ENTREP2: variants seen among roughly 807,000 people sequenced by gnomAD.
ENTREP2 encodes endosomal transmembrane epsin interactor 2.
chr15:29,335,590 A>T, the ENTREP2 span, among the ~76,000 whole-genome samples: 2 of 152,204 alleles, frequency 1.3e-5, no homozygotes, highest in Non-Finnish European at 2.9e-5. Flanking sequence ...TTCAAGAGGT[A>T]CCAGATATGC....
At chr15:29,220,905 A>G in the ENTREP2 span, among the ~76,000 whole-genome samples, 1 of 151,848 alleles carries the variant, frequency 6.6e-6, no homozygotes, top group Non-Finnish European at 1.5e-5. Context: ...TTGCTAATTC[A>G]TCTCTTGCTC....
chr15:29,473,043 T>C, the ENTREP2 span, among the ~76,000 whole-genome samples: 2 of 151,948 alleles, frequency 1.3e-5, no homozygotes, highest in Non-Finnish European at 2.9e-5. Context: ...CAGGGTAGGT[T>C]CTTGAGGGTG....
At chr15:29,176,249 G>A in the ENTREP2 span, among the ~76,000 whole-genome samples, 1 of 152,124 alleles carries the variant, frequency 6.6e-6, no homozygotes, top group East Asian at 1.9e-4. Context: ...CTCCTTAAAT[G>A]TCCTGAGAGC....
the ENTREP2 span, among the ~76,000 whole-genome samples, chr15:29,276,380 T>A: frequency 6.6e-5 from 10 of 152,256 alleles, no homozygotes; most frequent in Admixed American, 6.5e-4. Flanking sequence ...GCTTGGTTTC[T>A]AATCCCTTTG....
At chr15:29,123,664 C>T in the ENTREP2 span, 1 of 1,544,682 alleles carries the variant, frequency 6.5e-7, no homozygotes, top group Non-Finnish European at 8.8e-7. Flanking sequence ...AGCTAAAAAT[C>T]AAGGGCAAAA....
the ENTREP2 span, among the ~76,000 whole-genome samples, chr15:29,571,122 G>GCCGGGAC: frequency 6.6e-6 from 1 of 151,388 alleles, no homozygotes; most frequent in Admixed American, 6.6e-5. Context: ...GGGAGCGGGA[G>GCCGGGAC]CCGGGACCCG....
At chr15:29,527,927 T>C in the ENTREP2 span, among the ~76,000 whole-genome samples, 2 of 152,134 alleles carry the variant, frequency 1.3e-5, 1 homozygote, top group Admixed American at 1.3e-4. Context: ...AAACTAGGGC[T>C]GATGAGACCT....
the ENTREP2 span, chr15:29,267,223 TCC>T: frequency 6.6e-6 from 1 of 152,268 alleles, no homozygotes; most frequent in African/African-American, 2.4e-5. Flanking sequence ...TTCACTTTTT[TCC>T]CCGAGTTAAA....
chr15:29,289,802 C>T, the ENTREP2 span, among the ~76,000 whole-genome samples: 2 of 152,014 alleles, frequency 1.3e-5, no homozygotes, highest in Non-Finnish European at 2.9e-5. Flanking sequence ...GCCAAGATCG[C>T]ACCACTGCAC....
At chr15:29,609,059 G>A in the ENTREP2 span, among the ~76,000 whole-genome samples, 1 of 150,912 alleles carries the variant, frequency 6.6e-6, no homozygotes, top group Admixed American at 6.6e-5. Flanking sequence ...CTCAAACCCA[G>A]ATACCATGCA....
the ENTREP2 span, among the ~76,000 whole-genome samples, chr15:29,186,780 C>T: frequency 2.8e-4 from 42 of 152,102 alleles, no homozygotes; most frequent in African/African-American, 9.9e-4. Flanking sequence ...GAAAGTTGTT[C>T]TTTCTCTTTC....
At chr15:29,354,493 C>A in the ENTREP2 span, among the ~76,000 whole-genome samples, 7 of 152,148 alleles carry the variant, frequency 4.6e-5, no homozygotes, top group Non-Finnish European at 8.8e-5. Context: ...ACATTCACAG[C>A]TCAATTAAGA....
chr15:29,264,363 G>A, the ENTREP2 span, among the ~76,000 whole-genome samples: 3,586 of 152,124 alleles, frequency 0.024, 162 homozygotes, highest in African/African-American at 0.082. Context: ...TCTATACAAA[G>A]TCTCAAAGTG....
the ENTREP2 span, among the ~76,000 whole-genome samples, chr15:29,119,807 G>A: frequency 7.2e-5 from 11 of 152,188 alleles, no homozygotes; most frequent in Admixed American, 5.2e-4. Context: ...TGGAGGGAAC[G>A]GGATTCCACT....
chr15:29,332,254 C>CA, the ENTREP2 span, among the ~76,000 whole-genome samples: 160 of 149,852 alleles, frequency 1.1e-3, no homozygotes, highest in African/African-American at 3.4e-3. Flanking sequence ...TAAAATTCAG[C>CA]AAAAAAAAAG....
the ENTREP2 span, among the ~76,000 whole-genome samples, chr15:29,292,684 C>T: frequency 9.9e-5 from 15 of 152,156 alleles, no homozygotes; most frequent in Admixed American, 5.2e-4. Context: ...CCCAGCAATG[C>T]GTTTTCATAT....
At chr15:29,187,252 G>C in the ENTREP2 span, among the ~76,000 whole-genome samples, 2 of 152,002 alleles carry the variant, frequency 1.3e-5, no homozygotes, top group Non-Finnish European at 2.9e-5. Flanking sequence ...CACTGTCACT[G>C]TCTGTTTTTC....
chr15:29,617,784 C>T, the ENTREP2 span, among the ~76,000 whole-genome samples: 1 of 152,304 alleles, frequency 6.6e-6, no homozygotes, highest in Non-Finnish European at 1.5e-5. Flanking sequence ...GGGTCTCATC[C>T]CGATGGCTGC....
chr15:29,192,189 C>A, the ENTREP2 span, among the ~76,000 whole-genome samples: 2 of 152,184 alleles, frequency 1.3e-5, no homozygotes, highest in African/African-American at 2.4e-5. Flanking sequence ...GAGAGCTAGA[C>A]ATGTTTTAAA....
Sources: allele counts gnomAD v4.1 joint callset (sites outside exome capture counted in the v4.1 genomes callset), GRCh38; gene constraint gnomAD v4.1.1; transcripts MANE v1.5; gene names NCBI Gene and HGNC (gene_info 2026-07-23, HGNC 2026-07-21).